DCUN1D1: variants seen among roughly 807,000 people sequenced by gnomAD.
DCUN1D1 encodes the protein DCN1-like protein 1.
A neutral mutation model predicts 39.0 loss-of-function variants in DCUN1D1; 3 were observed. The ratio of observed to expected loss-of-function variants is 0.08; its 90% CI spans 0.04 to 0.20. DCUN1D1 has a LOEUF of 0.20. Among genes scored for constraint, DCUN1D1 ranks in the 10% least tolerant of loss-of-function variants. The probability of loss-of-function intolerance (pLI) is 1.00; values close to 1 mark genes in which losing one functional copy is unlikely to be tolerated. For synonymous variants in DCUN1D1, 82 were observed against 96.3 expected (o/e 0.85, Z 0.87); for missense variants, 158 against 302.4 (o/e 0.52, Z 3.54).
At chr3:182,982,886 G>GC (rs1192341535), upstream of DCUN1D1, among the ~76,000 whole-genome samples, 3 of 151,944 alleles carry the variant, frequency 2.0e-5, no homozygotes, top group African/African-American at 7.3e-5. Context: ...CTCATGATCT[G>GC]CCCCACCTCG....
intron 4 of DCUN1D1, chr3:182,955,929 C>CG (rs1727032460): frequency 7.6e-6 from 1 of 132,194 alleles, no homozygotes; most frequent in Non-Finnish European, 1.6e-5. Flanking sequence ...GCTTATCAAA[C>CG]TTTTTTTTTT....
chr3:182,958,826 T>C (rs966161596), intron 4 of DCUN1D1, among the ~76,000 whole-genome samples: 8 of 152,200 alleles, frequency 5.3e-5, no homozygotes, highest in African/African-American at 1.9e-4. Flanking sequence ...AATTTAATTT[T>C]GCTCAATTCT....
intron 4 of DCUN1D1, among the ~76,000 whole-genome samples, chr3:182,951,842 A>G (rs1386918542): frequency 6.6e-6 from 1 of 151,690 alleles, no homozygotes; most frequent in Admixed American, 6.6e-5. Context: ...GACTACAGGC[A>G]TGAGCCACCA....
chr3:182,973,912 A>G (rs568095052), intron 1 of DCUN1D1, among the ~76,000 whole-genome samples: 1 of 152,330 alleles, frequency 6.6e-6, no homozygotes, highest in Admixed American at 6.5e-5. Flanking sequence ...CAACTAATGA[A>G]AATTTAAAAG....
At chr3:182,985,129 T>TA (rs1728684721), upstream of DCUN1D1, among the ~76,000 whole-genome samples, 1 of 152,192 alleles carries the variant, frequency 6.6e-6, no homozygotes, top group Admixed American at 6.5e-5. Flanking sequence ...AACCATTTTT[T>TA]AAAGGGTAAA....
chr3:182,951,680 T>TAAAAGAAGA (rs1486958893), intron 4 of DCUN1D1, among the ~76,000 whole-genome samples: 1 of 142,896 alleles, frequency 7.0e-6, no homozygotes, highest in East Asian at 2.0e-4. Flanking sequence ...GTTCAGGTTG[T>TAAAAGAAGA]AAAAGAAGAT....
chr3:182,953,500 T>C (rs1726861918), intron 4 of DCUN1D1, among the ~76,000 whole-genome samples: 1 of 152,206 alleles, frequency 6.6e-6, no homozygotes, highest in South Asian at 2.1e-4. Flanking sequence ...CTTGGGCAAC[T>C]GGGCTGACTT....
upstream of DCUN1D1, among the ~76,000 whole-genome samples, chr3:182,983,006 C>T (rs1728610133): frequency 6.6e-6 from 1 of 152,150 alleles, no homozygotes; most frequent in Non-Finnish European, 1.5e-5. Context: ...GCCTCTACTC[C>T]TTCTCCACTG....
rs1726140527 is a variant in DCUN1D1, at chr3:182,941,692, TTC to T, written c.*3400_*3401del. 6.6e-6 allele frequency: 1 copy of T among 152,156 alleles called. No homozygotes were observed. Among genetic ancestry groups the T allele is most frequent in the African/African-American group, 2.4e-5 (1 of 41,464 alleles). 9.4% of individuals were successfully genotyped at this position (152,156 alleles called of 1,614,324 possible). On this transcript the variant is annotated 3_prime_UTR_variant, in exon 7 of 7. Coordinates refer to ENST00000292782, the MANE Select transcript of DCUN1D1 (RefSeq NM_020640.4). ...ACTGCTGAGGTGCCAGATAAGTATT[TTC>T]TGTTAAATATACACAATTTAACATT... is the stretch of plus-strand genomic sequence containing the variant.
intron 6 of DCUN1D1, 88 bp from the exon 7 acceptor site, chr3:182,945,261 C>T: frequency 1.0e-6 from 1 of 997,548 alleles, no homozygotes; most frequent in South Asian, 1.6e-5. Flanking sequence ...TTTTTTAAGA[C>T]TTCCTCATAA....
chr3:182,943,571 G>A lies in DCUN1D1; in HGVS notation c.*1523C>T, dbSNP rs976152153. On this transcript the variant is annotated 3_prime_UTR_variant, in exon 7 of 7. Transcript: ENST00000292782. ...TGCATAAAATGTACTGCTATTCTAAGTACATTCCTTTGTTAATATCAACCC... is the reference window on the plus strand; with the variant it reads ...TGCATAAAATGTACTGCTATTCTAAATACATTCCTTTGTTAATATCAACCC... The A allele has an allele frequency of 1.3e-5, 2 of 152,182 alleles. No homozygotes were observed. Among genetic ancestry groups the A allele is most frequent in the African/African-American group, 2.4e-5 (1 of 41,394 alleles). The allele number at this position is 152,182 out of a possible 1,614,324, so 9.4% of individuals were successfully genotyped here. A position where few individuals can be genotyped will look rare whatever the true frequency, so the allele number is the denominator to read the frequency against.
intron 4 of DCUN1D1, among the ~76,000 whole-genome samples, chr3:182,950,298 C>T (rs1434463518): frequency 6.6e-6 from 1 of 152,040 alleles, no homozygotes; most frequent in East Asian, 1.9e-4. Context: ...CAGGAACGCA[C>T]CACCACGACC....
Position 182,948,479 on chromosome 3 carries a change from G to A in DCUN1D1, c.521-847C>T, listed in dbSNP as rs150814447. On this transcript the variant is annotated intron_variant, in intron 4 of 6. Coordinates refer to ENST00000292782, the MANE Select transcript of DCUN1D1 (RefSeq NM_020640.4). ...CACTTATCACACAACAGAGAACTAC[G>A]CTTACCACACAACAGAGAACTACAC... is the stretch of plus-strand genomic sequence containing the variant. Among the ~76,000 whole-genome samples, 854 of 151,720 alleles carry A rather than the reference G, an allele frequency of 5.6e-3. 5 individuals are homozygous for A. The highest frequency in any genetic ancestry group is 0.012 in the African/African-American group (475 of 41,204).
chr3:182,972,578 C>T (rs1035854013), intron 1 of DCUN1D1, among the ~76,000 whole-genome samples: 1 of 151,782 alleles, frequency 6.6e-6, no homozygotes, highest in Admixed American at 6.6e-5. Flanking sequence ...GAGTTCAAGA[C>T]GAGCCTGGGC....
intron 1 of DCUN1D1, among the ~76,000 whole-genome samples, chr3:182,973,311 G>A (rs1016454983): frequency 2.6e-5 from 4 of 152,052 alleles, no homozygotes; most frequent in African/African-American, 9.7e-5. Flanking sequence ...TCAGAACAAC[G>A]CACAATTTAA....
upstream of DCUN1D1, among the ~76,000 whole-genome samples, chr3:182,982,482 C>T (rs372816774): frequency 1.3e-5 from 2 of 152,138 alleles, no homozygotes; most frequent in Non-Finnish European, 2.9e-5. Context: ...CCCACTTTTC[C>T]TCCTGCCTTT....
At chr3:182,968,551 T>C (rs1254169229) in intron 1 of DCUN1D1, among the ~76,000 whole-genome samples, 1 of 152,016 alleles carries the variant, frequency 6.6e-6, no homozygotes, top group Non-Finnish European at 1.5e-5. Context: ...TTCCATGTCA[T>C]ATCTTATTTG....
intron 4 of DCUN1D1, among the ~76,000 whole-genome samples, chr3:182,953,198 A>T (rs12152410): frequency 0.48 from 73,022 of 151,610 alleles, 21,935 homozygotes; most frequent in Non-Finnish European, 0.67. Flanking sequence ...TACCCCAGAC[A>T]GACTAAAGAT....
chr3:182,968,294 A>G (rs1727769938), intron 1 of DCUN1D1, among the ~76,000 whole-genome samples: 1 of 152,208 alleles, frequency 6.6e-6, no homozygotes, highest in Non-Finnish European at 1.5e-5. Flanking sequence ...TGGCAAAACA[A>G]TCAGATTTGT....
Sources: gnomAD v4.1 joint callset for allele counts (sites outside exome capture counted in the v4.1 genomes callset) on GRCh38, gnomAD v4.1.1 for gene constraint, MANE v1.5 for transcripts, NCBI Gene and HGNC (gene_info 2026-07-23, HGNC 2026-07-21) for gene names.